The following SULF1 variants were observed in gnomAD, a reference collection of about 807,000 sequenced individuals.
The protein encoded by SULF1 is extracellular sulfatase Sulf-1.
SULF1 carries 46 observed loss-of-function variants against 110.5 expected under a neutral mutation model. The ratio of observed to expected loss-of-function variants is 0.42; its 90% CI spans 0.33 to 0.53. The LOEUF is 0.53. Ranked by LOEUF, SULF1 falls within the 20% of genes least tolerant of loss-of-function variation. SULF1 has a pLI of 0.12. For synonymous variants in SULF1, 371 were observed against 387.1 expected (o/e 0.96, Z 0.49); for missense variants, 941 against 1,094.2 (o/e 0.86, Z 1.98).
chr8:69,540,973 G>A (rs779243888), intron 3 of SULF1, among the ~76,000 whole-genome samples: 6 of 152,026 alleles, frequency 3.9e-5, no homozygotes, highest in African/African-American at 7.2e-5. Flanking sequence ...GTTTCAATAA[G>A]AATTTCTAAT....
At chr8:69,629,807 C>A in intron 19 of SULF1, 128 bp downstream of exon 19, 1 of 845,566 alleles carries the variant, frequency 1.2e-6, no homozygotes, top group Middle Eastern at 3.8e-4. Context: ...ATATTCTACT[C>A]TATACTGGAA....
chr8:69,603,381 G>C, intron 11 of SULF1, 61 bp downstream of exon 11: 3 of 1,610,514 alleles, frequency 1.9e-6, no homozygotes, highest in Non-Finnish European at 2.5e-6. Context: ...CTGGTGCCCA[G>C]AGCCAGCCAG....
intron 3 of SULF1, among the ~76,000 whole-genome samples, chr8:69,555,129 GAAA>G (rs528032240): frequency 1.3e-5 from 2 of 148,976 alleles, no homozygotes; most frequent in East Asian, 4.0e-4. Flanking sequence ...AATACATTTT[GAAA>G]AAAAAATACA....
At chr8:69,580,711 C>A (rs551812354) in intron 6 of SULF1, among the ~76,000 whole-genome samples, 1 of 152,146 alleles carries the variant, frequency 6.6e-6, no homozygotes, top group Non-Finnish European at 1.5e-5. Flanking sequence ...CACATGAATT[C>A]TACCTCACAT....
chr8:69,475,708 A>T (rs1455840531), intron 1 of SULF1, among the ~76,000 whole-genome samples: 1 of 152,168 alleles, frequency 6.6e-6, no homozygotes, highest in Non-Finnish European at 1.5e-5. Flanking sequence ...CACTCAATAG[A>T]ACTTTATAAT....
chr8:69,508,915 T>A (rs1323070813), intron 3 of SULF1, among the ~76,000 whole-genome samples: 1 of 152,200 alleles, frequency 6.6e-6, no homozygotes, highest in African/African-American at 2.4e-5. Flanking sequence ...TGAGTATCTC[T>A]CTTCATGGTA....
intron 3 of SULF1, among the ~76,000 whole-genome samples, chr8:69,524,720 G>A (rs1173564952): frequency 6.6e-6 from 1 of 152,156 alleles, no homozygotes; most frequent in African/African-American, 2.4e-5. Context: ...ATAAATCATT[G>A]CATTTTGTAT....
intron 13 of SULF1, among the ~76,000 whole-genome samples, chr8:69,618,445 G>A (rs1405829650): frequency 6.6e-6 from 1 of 152,246 alleles, no homozygotes; most frequent in South Asian, 2.1e-4. Context: ...AAGTAATGTA[G>A]AGATAAAGTA....
At chr8:69,554,847 C>T (rs1814978959) in intron 3 of SULF1, among the ~76,000 whole-genome samples, 2 of 151,716 alleles carry the variant, frequency 1.3e-5, no homozygotes, top group Admixed American at 1.3e-4. Flanking sequence ...GGCGTGGTGG[C>T]AGGCGCCTGT....
chr8:69,523,994 G>A (rs1812500601), intron 3 of SULF1, among the ~76,000 whole-genome samples: 1 of 152,132 alleles, frequency 6.6e-6, no homozygotes, highest in Non-Finnish European at 1.5e-5. Context: ...ATTCAGACAG[G>A]AAGAAATGAC....
At chr8:69,471,998 T>TGAGAGAGAGAGA (rs3059922) in intron 1 of SULF1, among the ~76,000 whole-genome samples, 2 of 149,186 alleles carry the variant, frequency 1.3e-5, no homozygotes, top group African/African-American at 2.5e-5. Context: ...GGAGAGAAAG[T>TGAGAGAGAGAGA]GAGAGAGAGA....
chr8:69,490,033 C>A (rs117961747), upstream of SULF1, among the ~76,000 whole-genome samples: 3,660 of 152,014 alleles, frequency 0.024, 70 homozygotes, highest in Non-Finnish European at 0.035. Context: ...TAATGCTGGG[C>A]CTGTCATCCT....
chr8:69,504,681 C>CT lies in SULF1; in HGVS notation c.-134+2721dup, dbSNP rs552470799. Among the ~76,000 whole-genome samples, 242 of 152,120 alleles carry CT rather than the reference C, an allele frequency of 1.6e-3. 2 individuals carry two copies. The highest frequency in any genetic ancestry group is 5.6e-3 in the African/African-American group (231 of 41,504). ...CTGTATGAGACCTGGCTTCAATCTA[C>CT]TTTTTTTTAATCTTGGGGCTGGAAA... On this transcript the variant is annotated intron_variant, in intron 3 of 22. Coordinates refer to ENST00000402687, the MANE Select transcript of SULF1 (RefSeq NM_001128205.2).
intron 3 of SULF1, among the ~76,000 whole-genome samples, chr8:69,519,551 T>C (rs1017829710): frequency 2.6e-5 from 4 of 152,154 alleles, no homozygotes; most frequent in Non-Finnish European, 5.9e-5. Flanking sequence ...AGCTGTAAGA[T>C]GCCAGTGTCC....
At chr8:69,525,885 C>T (rs563486110) in intron 3 of SULF1, among the ~76,000 whole-genome samples, 40 of 152,212 alleles carry the variant, frequency 2.6e-4, no homozygotes, top group South Asian at 8.3e-4. Flanking sequence ...GTGTGATAAT[C>T]GGAGACTGCC....
intron 13 of SULF1, among the ~76,000 whole-genome samples, chr8:69,616,944 C>T (rs988184194): frequency 2.6e-5 from 4 of 151,832 alleles, no homozygotes; most frequent in African/African-American, 7.3e-5. Context: ...ATTCACTAGC[C>T]GATTATTTTG....
intron 3 of SULF1, among the ~76,000 whole-genome samples, chr8:69,513,533 T>C (rs1451294560): frequency 6.6e-6 from 1 of 152,222 alleles, no homozygotes; most frequent in Non-Finnish European, 1.5e-5. Flanking sequence ...CAACCTTTGG[T>C]CATAGGAACA....
chr8:69,497,157 T>C (rs1029744057), intron 2 of SULF1, among the ~76,000 whole-genome samples: 1 of 35,760 alleles, frequency 2.8e-5, no homozygotes, highest in South Asian at 1.3e-3. Context: ...TCTTTTCTCT[T>C]TTTTTTTTTT....
chr8:69,495,317 A>C (rs903556674), intron 1 of SULF1, among the ~76,000 whole-genome samples: 40 of 152,150 alleles, frequency 2.6e-4, no homozygotes, highest in African/African-American at 9.2e-4. Flanking sequence ...CAGAGGTTCA[A>C]GGCTATGGTG....
Sources: gnomAD v4.1 joint callset for allele counts (sites outside exome capture counted in the v4.1 genomes callset) on GRCh38, gnomAD v4.1.1 for gene constraint, MANE v1.5 for transcripts, NCBI Gene and HGNC (gene_info 2026-07-23, HGNC 2026-07-21) for gene names.